CTNND2: variants seen among roughly 807,000 people sequenced by gnomAD.
CTNND2 encodes the protein catenin delta-2.
In CTNND2, 22 loss-of-function variants were observed where a neutral mutation model predicts 144.4. The ratio of observed to expected loss-of-function variants is 0.15; its 90% confidence interval spans 0.11 to 0.22. The LOEUF is 0.22. Among genes scored for constraint, CTNND2 ranks in the 10% least tolerant of loss-of-function variants. CTNND2 has a pLI of 1.00. For synonymous variants in CTNND2, 751 were observed against 695.6 expected, an observed-to-expected ratio of 1.08 and a Z score of -1.25; for missense variants, 1,353 against 1,618.8, an observed-to-expected ratio of 0.84 and a Z score of 2.82.
chr5:10,990,993 T>C (rs796131148), intron 19 of CTNND2, among the ~76,000 whole-genome samples: 22 of 152,330 alleles, frequency 1.4e-4, no homozygotes, highest in African/African-American at 3.8e-4. Context: ...CCACACTCCA[T>C]GCGCTTTATC....
rs1158326431 is a variant in CTNND2, at chr5:11,818,658, G to A, written c.37+85159C>T. Among the ~76,000 whole-genome samples the A allele has an allele frequency of 5.3e-5, 8 of 151,976 alleles. No homozygotes were observed. The South Asian group carries it at 1.2e-3, about 24-fold the overall frequency. ...GCTGGGATTACAGGCGTTAGCCACC[G>A]CCCACGGCCCTGTATGTGCATTCTT... On this transcript the variant is annotated intron_variant, in intron 1 of 21. Coordinates refer to ENST00000304623, the MANE Select transcript of CTNND2 (RefSeq NM_001332.4).
chr5:11,735,826 T>A (rs1787652063), intron 1 of CTNND2, among the ~76,000 whole-genome samples: 1 of 152,182 alleles, frequency 6.6e-6, no homozygotes, highest in African/African-American at 2.4e-5. Context: ...ATGAAAACTC[T>A]TTTTCTCTAT....
At chr5:11,810,505 TA>T (rs1332114305) in intron 1 of CTNND2, among the ~76,000 whole-genome samples, 29 of 152,314 alleles carry the variant, frequency 1.9e-4, no homozygotes, top group Non-Finnish European at 3.5e-4. Flanking sequence ...ATTAAAAGTT[TA>T]AATGTGGATT....
chr5:11,180,065 C>T (rs1442496191), intron 11 of CTNND2, among the ~76,000 whole-genome samples: 1 of 152,160 alleles, frequency 6.6e-6, no homozygotes, highest in Non-Finnish European at 1.5e-5. Flanking sequence ...TGGGTCCCCA[C>T]CCAAATCTCA....
At chr5:11,468,735 C>T (rs552593049) in intron 3 of CTNND2, among the ~76,000 whole-genome samples, 214 of 151,974 alleles carry the variant, frequency 1.4e-3, no homozygotes, top group Non-Finnish European at 2.8e-3. Flanking sequence ...CTAGTAACTT[C>T]AATTCCTGGG....
intron 11 of CTNND2, among the ~76,000 whole-genome samples, chr5:11,179,803 T>C (rs901872844): frequency 6.6e-6 from 1 of 152,218 alleles, no homozygotes; most frequent in African/African-American, 2.4e-5. Flanking sequence ...CAGGTATTTG[T>C]ATTCCAAAAT....
intron 18 of CTNND2, among the ~76,000 whole-genome samples, chr5:10,999,879 A>G (rs1739743092): frequency 6.6e-6 from 1 of 152,160 alleles, no homozygotes; most frequent in African/African-American, 2.4e-5. Flanking sequence ...GTTTCTTATG[A>G]AACTTTATTA....
intron 3 of CTNND2, among the ~76,000 whole-genome samples, chr5:11,414,913 C>T (rs1213321508): frequency 1.3e-5 from 2 of 152,202 alleles, no homozygotes; most frequent in African/African-American, 4.8e-5. Flanking sequence ...ATCCATGTTC[C>T]TGCAAAGGAC....
At chr5:11,282,895 T>G (rs923869218) in intron 9 of CTNND2, among the ~76,000 whole-genome samples, 1 of 152,210 alleles carries the variant, frequency 6.6e-6, no homozygotes, top group African/African-American at 2.4e-5. Context: ...CTTTGCCAGA[T>G]AATGTTTACT....
At chr5:11,429,445 G>A (rs1227586241) in intron 3 of CTNND2, among the ~76,000 whole-genome samples, 1 of 151,808 alleles carries the variant, frequency 6.6e-6, no homozygotes, top group East Asian at 1.9e-4. Flanking sequence ...GTTTGTTTAA[G>A]GCGCCGGGGC....
At position 11,018,040 on chromosome 5, in the gene CTNND2, G is replaced by T; in HGVS notation, c.3018C>A (p.Val1006=). Residue 1006 remains valine, a synonymous_variant, in exon 18 of 22, where the codon GTC becomes GTA. Coordinates refer to ENST00000304623, the MANE Select transcript of CTNND2 (RefSeq NM_001332.4). ...SKGDKHSPKV[V]KAASQVLNSM... The stretch of plus-strand genomic sequence containing the variant: ...TGTTGAGGACCTGAGATGCAGCCTT[G>T]ACCACTTTTGGAGAGTGTCTGATGA... 1 of 1,613,200 alleles carries T rather than the reference G, an allele frequency of 6.2e-7. No homozygotes were observed. The highest frequency in any genetic ancestry group is 1.1e-5 in the South Asian group (1 of 91,018).
chr5:11,741,973 T>G (rs1350482662), intron 1 of CTNND2, among the ~76,000 whole-genome samples: 1 of 151,628 alleles, frequency 6.6e-6, no homozygotes, highest in African/African-American at 2.4e-5. Flanking sequence ...CATCATATGT[T>G]CTCACTCATA....
At chr5:11,547,320 T>TAAAG (rs1775338941) in intron 3 of CTNND2, among the ~76,000 whole-genome samples, 1 of 132,204 alleles carries the variant, frequency 7.6e-6, no homozygotes, top group East Asian at 2.3e-4. Flanking sequence ...AATAAATAAA[T>TAAAG]AAAGTAAAAA....
rs111631935 is a variant in CTNND2 at position 11,541,846 on chromosome 5, C to CT, written c.287+23097_287+23098insA. On this transcript the variant is annotated intron_variant, in intron 3 of 21. Coordinates refer to ENST00000304623, the MANE Select transcript of CTNND2 (RefSeq NM_001332.4). ...CTTATTATTTATTATCGACCCCCCC[C>CT]CCCCGGCCAAAAGCCTTTTCCAACT... 2.7e-5 allele frequency among the ~76,000 whole-genome samples: 4 copies of CT among 145,462 alleles called. 1 individual carries two copies. The highest frequency in any genetic ancestry group is 1.1e-4 in the African/African-American group (4 of 37,842).
intron 2 of CTNND2, among the ~76,000 whole-genome samples, chr5:11,618,002 C>T (rs764400162): frequency 2.0e-5 from 3 of 152,078 alleles, no homozygotes; most frequent in Non-Finnish European, 4.4e-5. Flanking sequence ...AAAGTTTTGG[C>T]TCCTTTATTT....
At position 11,782,047 on chromosome 5, in the gene CTNND2, T is replaced by G. The variant is rs554394050; in HGVS notation, c.38-49775A>C. ...GAATCATGGGTGCGGGTCTTTCCCA[T>G]GCTGTTCTTGTGATAGTCACATGAG... On this transcript the variant is annotated intron_variant, in intron 1 of 21. Transcript: ENST00000304623. 2.2e-3 allele frequency among the ~76,000 whole-genome samples: 341 copies of G among 152,286 alleles called. 5 individuals are homozygous for G. Among genetic ancestry groups the G allele is most frequent in the Middle Eastern group, 3.4e-3 (1 of 294 alleles).
chr5:11,044,306 T>C (rs567534539), intron 16 of CTNND2, among the ~76,000 whole-genome samples: 17 of 152,236 alleles, frequency 1.1e-4, no homozygotes, highest in Admixed American at 3.9e-4. Flanking sequence ...TCTGCTAGGA[T>C]TGCAGGAGCC....
At chr5:11,050,454 C>T (rs1040129886) in intron 16 of CTNND2, among the ~76,000 whole-genome samples, 2 of 152,136 alleles carry the variant, frequency 1.3e-5, no homozygotes, top group Non-Finnish European at 2.9e-5. Flanking sequence ...ATAATTTTCT[C>T]AAAATTACCT....
chr5:11,313,289 C>T (rs804210), intron 9 of CTNND2, among the ~76,000 whole-genome samples: 115,092 of 152,094 alleles, frequency 0.76, 44,475 homozygotes, highest in Middle Eastern at 0.91. Context: ...TAGGATCTTA[C>T]AGGCCTGTGC....
Sources: allele counts gnomAD v4.1 joint callset (sites outside exome capture counted in the v4.1 genomes callset), GRCh38; gene constraint gnomAD v4.1.1; transcripts MANE v1.5; gene names NCBI Gene and HGNC (gene_info 2026-07-23, HGNC 2026-07-21).